The following OLFML2B variants were observed in gnomAD, a reference collection of about 807,000 sequenced individuals.
The protein encoded by OLFML2B is olfactomedin-like protein 2B.
In OLFML2B, 57 loss-of-function variants were observed where a neutral mutation model predicts 74.9. The observed-to-expected ratio is 0.76, with a 90% CI of 0.61 to 0.95. OLFML2B has a LOEUF of 0.95. Among genes scored for constraint, OLFML2B ranks in the 40% least tolerant of loss-of-function variants. The pLI is 0.00. For missense variants in OLFML2B, 986 were observed against 970.6 expected (o/e 1.02, Z -0.21); for synonymous variants, 388 against 405.8 (o/e 0.96, Z 0.53).
chr1:162,011,416 G>C (rs1029045314), intron 3 of OLFML2B, among the ~76,000 whole-genome samples: 1 of 152,196 alleles, frequency 6.6e-6, no homozygotes, highest in Admixed American at 6.5e-5. Flanking sequence ...GCACCCTCCA[G>C]GAGACAGCTA....
Position 161,983,571 on chromosome 1 carries a change from A to T in OLFML2B, c.*104T>A. On this transcript the variant is annotated 3_prime_UTR_variant, in exon 8 of 8. Transcript: ENST00000294794. ...TTTGCAATATTATACAAAATAATAT[A>T]TATTTTTAAACAACACATACCCACC... 3.2e-6 allele frequency: 4 copies of T among 1,233,342 alleles called. No homozygotes were observed. The Admixed American group carries it at 1.0e-4, about 31-fold the overall frequency. The allele number at this position is 1,233,342 out of a possible 1,614,324, so 76.4% of individuals were successfully genotyped here.
chr1:162,016,545 T>C (rs968229197), intron 3 of OLFML2B, among the ~76,000 whole-genome samples: 2 of 152,208 alleles, frequency 1.3e-5, no homozygotes, highest in East Asian at 1.9e-4. Context: ...ATTAAAGAAA[T>C]AGATTTCCAC....
At chr1:162,002,993 C>CA (rs1690122954) in intron 4 of OLFML2B, among the ~76,000 whole-genome samples, 1 of 152,236 alleles carries the variant, frequency 6.6e-6, no homozygotes, top group South Asian at 2.1e-4. Flanking sequence ...GATGAGGAAA[C>CA]AGAGGCTCAG....
intron 6 of OLFML2B, among the ~76,000 whole-genome samples, chr1:161,988,090 G>A (rs950522945): frequency 6.6e-6 from 1 of 152,192 alleles, no homozygotes; most frequent in East Asian, 1.9e-4. Flanking sequence ...AAGTTCAAAG[G>A]AACTGCAGAC....
At chr1:161,988,373 G>A (rs956563290) in intron 6 of OLFML2B, among the ~76,000 whole-genome samples, 2 of 152,152 alleles carry the variant, frequency 1.3e-5, no homozygotes, top group East Asian at 3.9e-4. Context: ...CAGCTCTGGT[G>A]CTTACTTGGC....
In OLFML2B at chr1:162,000,250, T is replaced by A. The variant is rs1013922195; in HGVS notation, c.812A>T (p.Glu271Val). ...CAGGGGCCGCTGTGACTTCACCACC[T>A]CAGGCAGAGCCAGGGGTCGCGTCTG... is the stretch of plus-strand genomic sequence containing the variant. ...LLQTRPLALP[E>V]VVKSQRPLQR... is the part of the protein sequence containing the mutation. The change falls in exon 5 of 8, where the codon GAG becomes GTG. Residue 271 changes from glutamate to valine, a missense_variant. Transcript: ENST00000294794. 3.7e-6 allele frequency: 6 copies of A among 1,613,760 alleles called. No individual in the cohort carries two copies. The highest frequency in any genetic ancestry group is 5.1e-6 in the Non-Finnish European group (6 of 1,180,014).
At chr1:161,990,560 C>G (rs1689708355) in intron 6 of OLFML2B, among the ~76,000 whole-genome samples, 1 of 152,152 alleles carries the variant, frequency 6.6e-6, no homozygotes, top group South Asian at 2.1e-4. Context: ...CTAAAAAATA[C>G]TAATGATCAT....
At position 162,023,364 on chromosome 1, in the gene OLFML2B, T is replaced by C; in HGVS notation, c.67A>G (p.Ile23Val). 1.2e-6 allele frequency: 2 copies of C among 1,606,488 alleles called. No homozygotes were observed. Among genetic ancestry groups the C allele is most frequent in the Middle Eastern group, 1.7e-4 (1 of 6,042 alleles). Residue 23 changes from isoleucine (I) to valine (V), a missense_variant, in exon 1 of 8, where the codon ATT (isoleucine) becomes GTT (valine). Coordinates refer to ENST00000294794, the MANE Select transcript of OLFML2B (RefSeq NM_015441.3). ...GGCTCGCTTGTCCCTGTGAGGACAA[T>C]GCTGGACACCCAGGCCGGAACCACA... ...LIVVPAWVSS[I>V]VLTGTSEPPD...
At chr1:162,015,225 A>G (rs1170598988) in intron 3 of OLFML2B, among the ~76,000 whole-genome samples, 2 of 152,122 alleles carry the variant, frequency 1.3e-5, no homozygotes, top group East Asian at 3.8e-4. Context: ...TGTTTTTTGC[A>G]AAAACGAGGT....
In OLFML2B at chr1:162,006,482, G is replaced by GAAAA; in HGVS notation, c.547-13_547-10dup. 8.8e-7 allele frequency: 1 copy of GAAAA among 1,138,584 alleles called. No homozygotes were observed. Among genetic ancestry groups the GAAAA allele is most frequent in the Non-Finnish European group, 1.2e-6 (1 of 836,938 alleles). The allele number at this position is 1,138,584 out of a possible 1,614,324, so 70.5% of individuals were successfully genotyped here. A position where few individuals can be genotyped will look rare whatever the true frequency, so the allele number is the denominator to read the frequency against. Reference sequence around the variant, plus strand: ...AGGTTTTTAGACACTTCCTGAGAAGGAAAAAAAAAAGATGATCCATTAAAG... The same window carrying GAAAA: ...AGGTTTTTAGACACTTCCTGAGAAGGAAAAAAAAAAAAAAGATGATCCATTAAAG... On this transcript the variant is annotated splice_polypyrimidine_tract_variant and intron_variant, in intron 3 of 7. Coordinates refer to ENST00000294794, the MANE Select transcript of OLFML2B (RefSeq NM_015441.3).
intron 4 of OLFML2B, among the ~76,000 whole-genome samples, chr1:162,003,302 C>T (rs1156264739): frequency 2.6e-5 from 4 of 152,224 alleles, no homozygotes; most frequent in Admixed American, 6.5e-5. Flanking sequence ...GGCCACAGCC[C>T]GTGACTCAGA....
intron 7 of OLFML2B, 24 bp from the exon 8 acceptor site, chr1:161,984,300 G>C (rs763792918): frequency 8.5e-5 from 129 of 1,516,082 alleles, no homozygotes; most frequent in Non-Finnish European, 1.1e-4. Context: ...GAAAACAGGA[G>C]GCTTCAGAGT....
In OLFML2B at chr1:161,984,245, G is replaced by T. The variant is rs781705475; in HGVS notation, c.1683C>A (p.Tyr561Ter). ...CCACGTGGCCTGTGCCGATCCAGCT[G>T]TACGGGAGCTTGTAGGAATTGCTCC... Reference protein sequence around the residue: ...GRWSNSYKLPYSWIGTGHVVY... With the variant: ...GRWSNSYKLP Residue 561 changes from tyrosine (Y) to a stop codon, truncating the protein, a stop_gained, in exon 8 of 8, where the codon TAC (tyrosine) becomes TAA (stop). Coordinates refer to ENST00000294794, the MANE Select transcript of OLFML2B (RefSeq NM_015441.3). LOFTEE classifies it high-confidence loss of function. The T allele has an allele frequency of 1.3e-6, 2 of 1,524,328 alleles. No homozygotes were observed. Among genetic ancestry groups the T allele is most frequent in the East Asian group, 4.5e-5 (2 of 44,080 alleles). 94.4% of individuals were successfully genotyped at this position (1,524,328 alleles called of 1,614,324 possible). A position where few individuals can be genotyped will look rare whatever the true frequency, so the allele number is the denominator to read the frequency against.
chr1:161,983,789 C>G lies in OLFML2B; in HGVS notation c.2139G>C (p.Leu713=). Residue 713 remains leucine (L), a synonymous_variant, in exon 8 of 8, where the codon CTG becomes CTC. Transcript: ENST00000294794. ...HTNTQIVPRL[L]FENEYSYTTQ... ...TCGTATAGGAATACTCATTCTCGAA[C>G]AGCAGCCTGGGGACGATCTGTGTGT... The G allele has an allele frequency of 1.2e-6, 2 of 1,614,136 alleles. No individual in the cohort carries two copies. Among genetic ancestry groups the G allele is most frequent in the Non-Finnish European group, 1.7e-6 (2 of 1,180,018 alleles).
At chr1:162,021,779 C>A (rs531972301) in intron 1 of OLFML2B, among the ~76,000 whole-genome samples, 2 of 152,174 alleles carry the variant, frequency 1.3e-5, no homozygotes, top group African/African-American at 2.4e-5. Context: ...CTACATAACC[C>A]TGCTCTGAGA....
rs142619447 is a variant in OLFML2B at position 161,997,932 on chromosome 1, G to A, written c.1367C>T (p.Thr456Ile). The stretch of plus-strand genomic sequence containing the variant: ...TTTCCCCAGCGAGTCTGTTCTGACT[G>A]TGGTGGGAGGCACTGGGACTGTGTG... ...AMHTVPVPPT[T>I]VRTDSLGKDA... Residue 456 changes from threonine to isoleucine, a missense_variant, in exon 6 of 8, where the codon ACA becomes ATA. By Grantham distance (89) the Thr-to-Ile change is moderately conservative. Transcript: ENST00000294794. 385 of 1,614,240 alleles carry A rather than the reference G, an allele frequency of 2.4e-4. 3 individuals carry two copies. In the African/African-American group the frequency reaches 4.6e-3, roughly 19 times the overall value.
chr1:162,017,255 A>C (rs964205697), intron 3 of OLFML2B, 145 bp downstream of exon 3: 12 of 600,148 alleles, frequency 2.0e-5, no homozygotes, highest in African/African-American at 1.5e-4. Context: ...TTTTGAATGA[A>C]TCTTTTATGT....
chr1:161,986,526 T>C (rs1689597085), intron 6 of OLFML2B, among the ~76,000 whole-genome samples: 1 of 152,212 alleles, frequency 6.6e-6, no homozygotes. Context: ...TATTAGGTCC[T>C]GGTCTGACGG....
chr1:161,994,576 C>T (rs1463237824), intron 6 of OLFML2B, among the ~76,000 whole-genome samples: 1 of 152,180 alleles, frequency 6.6e-6, no homozygotes, highest in Non-Finnish European at 1.5e-5. Flanking sequence ...AGAGCCTTGG[C>T]CATGTGGCAG....
Sources: allele counts gnomAD v4.1 joint callset (sites outside exome capture counted in the v4.1 genomes callset), GRCh38; gene constraint gnomAD v4.1.1; transcripts MANE v1.5; gene names NCBI Gene and HGNC (gene_info 2026-07-23, HGNC 2026-07-21).